Variants in TUT4 observed in about 807,000 individuals in gnomAD.
TUT4 encodes terminal uridylyl transferase 4, also known as terminal uridylyltransferase 4.
Under a neutral mutation model 192.2 loss-of-function variants are expected in TUT4, and 36 were observed. The observed-to-expected ratio is 0.19, with a 90% CI of 0.14 to 0.25. The LOEUF is 0.25. TUT4 is among the 10% of genes least tolerant of loss of function. The pLI, the probability that TUT4 is intolerant of heterozygous loss-of-function variation, is 1.00. For synonymous variants in TUT4, 618 were observed against 666.0 expected (o/e 0.93, Z 1.11); for missense variants, 1,493 against 1,957.2 (o/e 0.76, Z 4.47).
chr1:52,461,401 T>G, intron 18 of TUT4, 112 bp downstream of exon 18: 1 of 1,195,106 alleles, frequency 8.4e-7, no homozygotes. Context: ...AGATAACTAG[T>G]AAAATACTTT....
intron 6 of TUT4, 97 bp from the exon 7 acceptor site, chr1:52,493,759 A>T (rs1224588007): frequency 1.3e-6 from 1 of 776,304 alleles, no homozygotes; most frequent in Non-Finnish European, 2.1e-6. Context: ...TAACATTTAA[A>T]TATAATCATG....
Position 52,526,120 on chromosome 1 carries a change from C to A in TUT4, c.161G>T (p.Ser54Ile). The change falls in exon 2 of 30, where the codon AGT becomes ATT. Residue 54 changes from serine to isoleucine, a missense_variant. Ser to Ile is a moderately radical substitution (Grantham distance 142). Around this residue, in one of 7 missense-constraint regions of TUT4, gnomAD observed 260 missense variants for 247.8 expected, o/e 1.05. Coordinates refer to ENST00000257177, the MANE Select transcript of TUT4 (RefSeq NM_001009881.3). ...EIENSSPNRN[S>I]SKKNKQNDIC... ...ATCATTTTGCTTATTTTTTTTACTA[C>A]TATTCCTATTTGGAGAGCTGTTCTC... The A allele has an allele frequency of 6.2e-7, 1 of 1,610,210 alleles. No homozygotes were observed. Among genetic ancestry groups the A allele is most frequent in the Non-Finnish European group, 8.5e-7 (1 of 1,179,082 alleles).
intron 2 of TUT4, among the ~76,000 whole-genome samples, chr1:52,516,825 T>A (rs1391032703): frequency 3.3e-5 from 5 of 152,164 alleles, no homozygotes; most frequent in Non-Finnish European, 7.4e-5. Context: ...AATTCCAAGT[T>A]GTAATAAATG....
At chr1:52,463,079 T>A (rs1486160366) in intron 16 of TUT4, 1 of 983,320 alleles carries the variant, frequency 1.0e-6, no homozygotes, top group South Asian at 4.7e-5. Context: ...ATTATGCTAA[T>A]CTTAAAAGTT....
intron 15 of TUT4, among the ~76,000 whole-genome samples, chr1:52,465,757 A>G (rs1663939377): frequency 6.6e-6 from 1 of 152,268 alleles, no homozygotes; most frequent in Admixed American, 6.5e-5. Context: ...ATGAGTGATT[A>G]TAGTCCACTT....
intron 2 of TUT4, 22 bp downstream of exon 2, chr1:52,525,541 A>T: frequency 1.3e-6 from 2 of 1,588,038 alleles, no homozygotes; most frequent in Non-Finnish European, 1.7e-6. Flanking sequence ...ATATACAAAA[A>T]TCCCTCCAAA....
intron 25 of TUT4, chr1:52,437,435 T>C (rs1374355953): frequency 6.5e-6 from 1 of 154,458 alleles, no homozygotes. Context: ...TGGGAGACTA[T>C]AATTCGTAGA....
At chr1:52,546,166 T>G (rs955383638) in intron 1 of TUT4, among the ~76,000 whole-genome samples, 1 of 151,462 alleles carries the variant, frequency 6.6e-6, no homozygotes, top group Non-Finnish European at 1.5e-5. Context: ...AGAAGAAGAA[T>G]AAAATTACCA....
At chr1:52,459,431 A>G (rs1227529819) in intron 19 of TUT4, among the ~76,000 whole-genome samples, 2 of 152,266 alleles carry the variant, frequency 1.3e-5, no homozygotes, top group East Asian at 3.9e-4. Context: ...TCTACAAGAA[A>G]TACAAAAAAT....
chr1:52,477,855 G>A lies in TUT4; in HGVS notation c.1876C>T (p.Arg626Trp), dbSNP rs762275263. Residue 626 changes from arginine (R) to tryptophan (W), a missense_variant, in exon 12 of 30, where the codon CGG (arginine) becomes TGG (tryptophan). This residue lies in a region of TUT4 where 437 missense variants were observed against 577.6 expected (regional missense o/e 0.76). Transcript: ENST00000257177. ...KSPLALETPN[R>W]VSLGQLWLEL... The stretch of plus-strand genomic sequence containing the variant: ...AACCATAACTGTCCCAAGGATACCC[G>A]ATTTGGTGTTTCCAATGCTAAAGGA... The A allele has an allele frequency of 5.6e-6, 9 of 1,609,638 alleles. No homozygotes were observed. The highest frequency in any genetic ancestry group is 1.3e-5 in the African/African-American group (1 of 74,586).
At chr1:52,521,524 G>T (rs1435708303) in intron 2 of TUT4, among the ~76,000 whole-genome samples, 2 of 151,874 alleles carry the variant, frequency 1.3e-5, no homozygotes, top group African/African-American at 2.4e-5. Context: ...AATTAGCCGG[G>T]TGTAGTGGTA....
intron 24 of TUT4, among the ~76,000 whole-genome samples, chr1:52,440,576 G>C (rs1302662114): frequency 6.6e-6 from 1 of 151,764 alleles, no homozygotes; most frequent in Non-Finnish European, 1.5e-5. Flanking sequence ...GCTTAAGACA[G>C]AAACCTAAGA....
intron 9 of TUT4, among the ~76,000 whole-genome samples, chr1:52,484,831 T>A (rs1373574379): frequency 6.6e-6 from 1 of 152,234 alleles, no homozygotes; most frequent in Non-Finnish European, 1.5e-5. Flanking sequence ...GGACTAACTG[T>A]GCCTTGGAGA....
At position 52,513,454 on chromosome 1, in the gene TUT4, T is replaced by TA. The variant is rs1203111451; in HGVS notation, c.882+2436dup. Among the ~76,000 whole-genome samples the TA allele has an allele frequency of 6.9e-3, 832 of 120,776 alleles. 4 individuals are homozygous for TA. The highest frequency in any genetic ancestry group is 0.025 in the African/African-American group (713 of 28,494). 79.2% of individuals were successfully genotyped at this position (120,776 alleles called of 152,430 possible). A position where few individuals can be genotyped will look rare whatever the true frequency, so the allele number is the denominator to read the frequency against. On this transcript the variant is annotated intron_variant, in intron 3 of 29. Transcript: ENST00000257177. ...ACCAAGTTCAAGAGGCCAAATAATT[T>TA]AAAAAAAAAAAAGAGTACAATGAAT...
In TUT4 at chr1:52,475,507, T is replaced by G; in HGVS notation, c.2052A>C (p.Ala684=). 6.2e-7 allele frequency: 1 copy of G among 1,613,462 alleles called. No individual in the cohort carries two copies. ...AAACCAGCTGGCTGTTTAAGCTCCG[T>G]GCAACATTCCTCTTGACTGAAAATG... is the stretch of plus-strand genomic sequence containing the variant. ...EDPFSVKRNV[A]RSLNSQLVYE... is the part of the protein sequence containing the mutation. Residue 684 remains alanine (A), a synonymous_variant, in exon 13 of 30, where the codon GCA becomes GCC. Coordinates refer to ENST00000257177, the MANE Select transcript of TUT4 (RefSeq NM_001009881.3).
intron 6 of TUT4, among the ~76,000 whole-genome samples, chr1:52,494,729 A>T (rs1672045409): frequency 6.6e-6 from 1 of 152,156 alleles, no homozygotes; most frequent in South Asian, 2.1e-4. Context: ...ACCATACATT[A>T]ATTATAAAGT....
chr1:52,450,646 A>C (rs1484162749), intron 20 of TUT4, among the ~76,000 whole-genome samples: 1 of 152,224 alleles, frequency 6.6e-6, no homozygotes, highest in African/African-American at 2.4e-5. Flanking sequence ...TCTGTTCCTC[A>C]TATCAACACT....
intron 18 of TUT4, 51 bp from the exon 19 acceptor site, chr1:52,461,274 C>A (rs1389690071): frequency 6.6e-7 from 1 of 1,512,270 alleles, no homozygotes; most frequent in African/African-American, 1.4e-5. Context: ...TAAAATTAAA[C>A]TACAAATCAG....
At chr1:52,507,976 AATTTTTATGT>A (rs1043342792) in intron 4 of TUT4, among the ~76,000 whole-genome samples, 4 of 151,928 alleles carry the variant, frequency 2.6e-5, no homozygotes, top group Admixed American at 6.6e-5. Flanking sequence ...ATGCCCAGCT[AATTTTTATGT>A]ATTTTTAGTA....
Sources: allele counts gnomAD v4.1 joint callset (sites outside exome capture counted in the v4.1 genomes callset), GRCh38; gene constraint gnomAD v4.1.1; regional missense constraint gnomAD v4.1.1; transcripts MANE v1.5; gene names NCBI Gene and HGNC (gene_info 2026-07-23, HGNC 2026-07-21).